Variants in THRB observed in about 807,000 individuals in gnomAD.
THRB encodes nuclear receptor subfamily 1 group A member 2.
In THRB, 12 loss-of-function variants were observed where a neutral mutation model predicts 47.8. The observed-to-expected ratio is 0.25, with a 90% CI of 0.16 to 0.41. THRB has a LOEUF of 0.41. Ranked by LOEUF, THRB falls within the 10% of genes least tolerant of loss-of-function variation. THRB has a pLI of 1.00. For synonymous variants in THRB, 218 were observed against 212.2 expected, an observed-to-expected ratio of 1.03 and a Z score of -0.24; for missense variants, 348 against 589.2, an observed-to-expected ratio of 0.59 and a Z score of 4.24.
At chr3:24,291,958 G>A (rs2055966188) in intron 3 of THRB, among the ~76,000 whole-genome samples, 1 of 151,912 alleles carries the variant, frequency 6.6e-6, no homozygotes, top group Admixed American at 6.6e-5. Context: ...GCAACATTCT[G>A]GAAATAACTT....
intron 4 of THRB, among the ~76,000 whole-genome samples, chr3:24,220,799 AAAG>A (rs1033087625): frequency 2.7e-5 from 3 of 109,568 alleles, no homozygotes; most frequent in African/African-American, 7.8e-5. Flanking sequence ...AGGTTAAACA[AAAG>A]AAAAAAAAAA....
chr3:24,383,492 A>T (rs930849226), intron 1 of THRB, among the ~76,000 whole-genome samples: 6 of 152,168 alleles, frequency 3.9e-5, no homozygotes, highest in Non-Finnish European at 5.9e-5. Context: ...TGAATAATTA[A>T]AAAATAATTC....
chr3:24,299,524 A>G (rs1342232661), intron 2 of THRB, among the ~76,000 whole-genome samples: 1 of 151,924 alleles, frequency 6.6e-6, no homozygotes, highest in Non-Finnish European at 1.5e-5. Context: ...ATCCTATACA[A>G]TATGCAAAAA....
intron 1 of THRB, among the ~76,000 whole-genome samples, chr3:24,424,290 C>T (rs2069549225): frequency 6.6e-6 from 1 of 151,868 alleles, no homozygotes; most frequent in African/African-American, 2.4e-5. Context: ...ATTCTAATAC[C>T]TAGCTAAGAC....
chr3:24,355,485 TA>T (rs1005917723), intron 1 of THRB, among the ~76,000 whole-genome samples: 3 of 152,182 alleles, frequency 2.0e-5, no homozygotes, highest in African/African-American at 7.2e-5. Flanking sequence ...TCAATAATAG[TA>T]TGTATCAATG....
At chr3:24,463,601 T>A (rs115211689) in intron 1 of THRB, among the ~76,000 whole-genome samples, 1,980 of 152,282 alleles carry the variant, frequency 0.013, 48 homozygotes, top group African/African-American at 0.045. Flanking sequence ...ATACTATATT[T>A]TTCAAAGGCA....
Position 24,300,958 on chromosome 3 carries a change from A to G in THRB, c.-188-3587T>C, listed in dbSNP as rs865833596. On this transcript the variant is annotated intron_variant, in intron 2 of 10. Coordinates refer to ENST00000646209, the MANE Select transcript of THRB (RefSeq NM_001354712.2). ...TGCAGATATAATTAAGGATCTCTACATGAAATTATCCTGGCTTATCTGGCT... is the reference window on the plus strand; with the variant it reads ...TGCAGATATAATTAAGGATCTCTACGTGAAATTATCCTGGCTTATCTGGCT... Among the ~76,000 whole-genome samples the G allele has an allele frequency of 5.3e-5, 8 of 152,306 alleles. No homozygotes were observed. In the Middle Eastern group the frequency reaches 0.01, roughly 196 times the overall value.
Position 24,152,378 on chromosome 3 carries a change from C to T in THRB, c.384+12G>A. The T allele has an allele frequency of 6.4e-7, 1 of 1,561,576 alleles. No individual in the cohort carries two copies. The highest frequency in any genetic ancestry group is 8.8e-7 in the Non-Finnish European group (1 of 1,132,388). ...GGGCTAAGCTCTGTGCTTGTGGACC[C>T]AGGGCAATTACCTTGCAGCCTTCAC... is the stretch of plus-strand genomic sequence containing the variant. On this transcript the variant is annotated intron_variant, in intron 6 of 10. Coordinates refer to ENST00000646209, the MANE Select transcript of THRB (RefSeq NM_001354712.2).
chr3:24,390,383 T>G (rs778067131), intron 1 of THRB, among the ~76,000 whole-genome samples: 1 of 152,174 alleles, frequency 6.6e-6, no homozygotes, highest in African/African-American at 2.4e-5. Context: ...AGACTTACTA[T>G]GTTGATCAGC....
At chr3:24,139,760 G>C (rs1167286284) in intron 8 of THRB, among the ~76,000 whole-genome samples, 9 of 152,176 alleles carry the variant, frequency 5.9e-5, no homozygotes, top group Non-Finnish European at 4.4e-5. Flanking sequence ...AACTATGTCA[G>C]TAGCTCCTTT....
At chr3:24,461,387 GGTATACT>G (rs1228557323) in intron 1 of THRB, among the ~76,000 whole-genome samples, 1 of 152,106 alleles carries the variant, frequency 6.6e-6, no homozygotes, top group Non-Finnish European at 1.5e-5. Flanking sequence ...GTACATAGCT[GGTATACT>G]GTATACTCTC....
rs1359211595 is a variant in THRB at position 24,174,575 on chromosome 3, A to AAGAT, written c.283+15495_283+15498dup. ...TAGCTTGCAATAATCTTTAGTTTTT[A>AAGAT]AGATAAAGCTTAAAGACTTAGAAGT... On this transcript the variant is annotated intron_variant, in intron 5 of 10. Transcript: ENST00000646209. Among the ~76,000 whole-genome samples the AAGAT allele has an allele frequency of 2.6e-5, 4 of 152,162 alleles. No homozygotes were observed. The East Asian group carries it at 7.7e-4, about 29-fold the overall frequency.
At chr3:24,294,389 G>C (rs2056260595) in intron 3 of THRB, among the ~76,000 whole-genome samples, 5 of 152,168 alleles carry the variant, frequency 3.3e-5, no homozygotes, top group Admixed American at 3.3e-4. Flanking sequence ...GTTTTAGAGT[G>C]ATTTGTTACA....
At chr3:24,327,372 C>A (rs141650104) in intron 2 of THRB, among the ~76,000 whole-genome samples, 1,729 of 152,028 alleles carry the variant, frequency 0.011, 13 homozygotes, top group Middle Eastern at 0.024. Flanking sequence ...ATTGGGAAAT[C>A]CTAATGGTAA....
At chr3:24,287,287 G>C (rs1415068111) in intron 3 of THRB, among the ~76,000 whole-genome samples, 1 of 152,102 alleles carries the variant, frequency 6.6e-6, no homozygotes, top group Non-Finnish European at 1.5e-5. Context: ...CAGATTCCTA[G>C]GGCTACAAGG....
chr3:24,489,738 A>G (rs1010225187), intron 1 of THRB, among the ~76,000 whole-genome samples: 1 of 152,186 alleles, frequency 6.6e-6, no homozygotes, highest in Non-Finnish European at 1.5e-5. Flanking sequence ...TTGAGCATAG[A>G]TCACTATTCT....
rs114070375 is a variant in THRB, at chr3:24,228,949, T to C, written c.11A>G (p.Asn4Ser). 4.2e-4 allele frequency: 675 copies of C among 1,612,918 alleles called. No homozygotes were observed. The highest frequency in any genetic ancestry group is 5.6e-4 in the Non-Finnish European group (656 of 1,179,362). The change falls in exon 4 of 11, where the codon AAC becomes AGC. Residue 4 changes from asparagine (N) to serine (S), a missense_variant. Transcript: ENST00000646209. ...AAAAAAAAAGATACCTGTCATACTG[T>C]TGGGAGTCATAGGTTAGTAATCATT... The part of the protein sequence containing the change: MTP[N>S]SMTENGLTAW...
intron 2 of THRB, among the ~76,000 whole-genome samples, chr3:24,327,080 A>C (rs1377493510): frequency 6.6e-6 from 1 of 152,150 alleles, no homozygotes. Context: ...TCCATTCTTT[A>C]GTGTGGACTT....
Position 24,280,638 on chromosome 3 carries a change from C to T in THRB, c.-43+16588G>A, listed in dbSNP as rs539292470. Among the ~76,000 whole-genome samples, 37 of 152,140 alleles carry T rather than the reference C, an allele frequency of 2.4e-4. No homozygotes were observed. In the South Asian group the frequency reaches 3.1e-3, roughly 13 times the overall value. On this transcript the variant is annotated intron_variant, in intron 3 of 10. Coordinates refer to ENST00000646209, the MANE Select transcript of THRB (RefSeq NM_001354712.2). The stretch of plus-strand genomic sequence containing the variant: ...AAGGCTTCAGACGATCAAATTACTC[C>T]AAGCTATGGGAGGACATTCAAACCA...
Sources: allele counts gnomAD v4.1 joint callset (sites outside exome capture counted in the v4.1 genomes callset), GRCh38; gene constraint gnomAD v4.1.1; transcripts MANE v1.5; gene names NCBI Gene and HGNC (gene_info 2026-07-23, HGNC 2026-07-21).